Variants in RBFOX1 observed in about 807,000 individuals in gnomAD.
The protein encoded by RBFOX1 is RNA binding fox-1 homolog 1.
In RBFOX1, 8 loss-of-function variants were observed where a neutral mutation model predicts 57.7. The ratio of observed to expected loss-of-function variants is 0.14; its 90% confidence interval spans 0.08 to 0.25. RBFOX1 has a LOEUF of 0.25. RBFOX1 is among the 10% of genes least tolerant of loss of function. RBFOX1 has a pLI of 1.00. For synonymous variants in RBFOX1, 326 were observed against 222.4 expected (o/e 1.47, Z -4.15); for missense variants, 611 against 548.5 (o/e 1.11, Z -1.14).
chr16:5,397,696 G>A (rs1276866378), intron 1 of RBFOX1, among the ~76,000 whole-genome samples: 3 of 152,214 alleles, frequency 2.0e-5, no homozygotes, highest in Admixed American at 6.5e-5. Context: ...CAAATGCTAC[G>A]TGGACCTTCT....
chr16:7,490,940 C>T lies in RBFOX1; in HGVS notation c.28-27207C>T, dbSNP rs148294678. Among the ~76,000 whole-genome samples the T allele has an allele frequency of 4.0e-3, 603 of 152,246 alleles. 4 individuals carry two copies. Among genetic ancestry groups the T allele is most frequent in the African/African-American group, 0.014 (574 of 41,554 alleles). The stretch of plus-strand genomic sequence containing the variant: ...TTCTTAGACAGTTTCAATCTCTTAT[C>T]TTCTTTAGGTGGCCTAAAATCTAAC... On this transcript the variant is annotated intron_variant, in intron 4 of 15. Coordinates refer to ENST00000550418, the MANE Select transcript of RBFOX1 (RefSeq NM_018723.4).
chr16:7,005,361 C>G (rs1005743690), intron 3 of RBFOX1, among the ~76,000 whole-genome samples: 4 of 151,994 alleles, frequency 2.6e-5, no homozygotes, highest in Non-Finnish European at 4.4e-5. Flanking sequence ...ACTAAGTTGA[C>G]TTATAGAATA....
At chr16:7,686,541 G>T (rs187436406) in intron 14 of RBFOX1, among the ~76,000 whole-genome samples, 1 of 151,934 alleles carries the variant, frequency 6.6e-6, no homozygotes, top group East Asian at 1.9e-4. Context: ...GGTGGAGAGA[G>T]AAAGAGACTT....
chr16:5,772,082 G>A (rs1381774520), intron 3 of RBFOX1, among the ~76,000 whole-genome samples: 1 of 152,134 alleles, frequency 6.6e-6, no homozygotes, highest in Non-Finnish European at 1.5e-5. Context: ...TGAGTCAGGA[G>A]AATCACTTGA....
intron 4 of RBFOX1, among the ~76,000 whole-genome samples, chr16:7,487,586 C>T (rs367846913): frequency 2.0e-5 from 3 of 152,172 alleles, no homozygotes; most frequent in Non-Finnish European, 4.4e-5. Flanking sequence ...TCTCTCTTCC[C>T]ATGCATGAAG....
intron 4 of RBFOX1, among the ~76,000 whole-genome samples, chr16:7,313,899 T>G (rs936765288): frequency 6.6e-6 from 1 of 152,186 alleles, no homozygotes; most frequent in Non-Finnish European, 1.5e-5. Flanking sequence ...TCTGTATGAT[T>G]TACGGAGAGA....
chr16:6,895,163 A>G (rs932047678), intron 3 of RBFOX1, among the ~76,000 whole-genome samples: 4 of 152,088 alleles, frequency 2.6e-5, no homozygotes, highest in African/African-American at 4.8e-5. Flanking sequence ...AAGATGATCT[A>G]TATTAACAAA....
At chr16:6,489,286 T>C (rs1442465362) in intron 2 of RBFOX1, among the ~76,000 whole-genome samples, 1 of 152,204 alleles carries the variant, frequency 6.6e-6, no homozygotes. Context: ...ATGGCATTAT[T>C]TTCCTCTTAT....
intron 4 of RBFOX1, among the ~76,000 whole-genome samples, chr16:7,171,735 C>G (rs369966254): frequency 6.6e-6 from 1 of 152,210 alleles, no homozygotes; most frequent in Non-Finnish European, 1.5e-5. Context: ...AGCCTCAGAA[C>G]TGTAATAACT....
At chr16:7,120,045 T>C (rs899993012) in intron 4 of RBFOX1, among the ~76,000 whole-genome samples, 2 of 151,936 alleles carry the variant, frequency 1.3e-5, no homozygotes, top group Non-Finnish European at 2.9e-5. Flanking sequence ...TAACATAAAA[T>C]AAACTGGAAA....
At chr16:5,335,657 T>C (rs1026624782) in intron 1 of RBFOX1, among the ~76,000 whole-genome samples, 3 of 152,188 alleles carry the variant, frequency 2.0e-5, no homozygotes, top group African/African-American at 7.2e-5. Flanking sequence ...GTTGGTTTTT[T>C]GTGTGTGGAG....
At position 6,658,571 on chromosome 16, in the gene RBFOX1, C is replaced by G. The variant is rs149109646; in HGVS notation, c.-16+3921C>G. Reference sequence around the variant, plus strand: ...TCTTTATCTGCGCACAGTCTGGGCTCGATCTGAGACTCTTCATAGAATAAA... The same window carrying G: ...TCTTTATCTGCGCACAGTCTGGGCTGGATCTGAGACTCTTCATAGAATAAA... On this transcript the variant is annotated intron_variant, in intron 3 of 15. Transcript: ENST00000550418. Among the ~76,000 whole-genome samples the G allele has an allele frequency of 3.2e-4, 49 of 152,180 alleles. No individual in the cohort carries two copies. In the East Asian group the frequency reaches 7.2e-3, roughly 22 times the overall value.
intron 4 of RBFOX1, among the ~76,000 whole-genome samples, chr16:7,325,641 G>A (rs1238523240): frequency 1.3e-5 from 2 of 152,136 alleles, no homozygotes; most frequent in Non-Finnish European, 2.9e-5. Flanking sequence ...GATTTCCAAT[G>A]GGGGTGGTTG....
At chr16:7,488,785 T>G (rs2066126424) in intron 4 of RBFOX1, among the ~76,000 whole-genome samples, 1 of 152,224 alleles carries the variant, frequency 6.6e-6, no homozygotes, top group South Asian at 2.1e-4. Flanking sequence ...TACATCTATC[T>G]ATACATATCC....
At chr16:5,788,575 G>A (rs1373000088) in intron 3 of RBFOX1, among the ~76,000 whole-genome samples, 1 of 152,206 alleles carries the variant, frequency 6.6e-6, no homozygotes. Flanking sequence ...TTTGCAGTGA[G>A]CCGGGATCGT....
chr16:7,376,506 C>T (rs2097688427), intron 4 of RBFOX1, among the ~76,000 whole-genome samples: 1 of 152,106 alleles, frequency 6.6e-6, no homozygotes, highest in Non-Finnish European at 1.5e-5. Context: ...GAGTGTTTAC[C>T]ACAGCTCTGT....
chr16:5,586,256 G>A (rs1353744556), intron 2 of RBFOX1, among the ~76,000 whole-genome samples: 1 of 152,152 alleles, frequency 6.6e-6, no homozygotes, highest in Non-Finnish European at 1.5e-5. Context: ...AGAACTATGA[G>A]AGAATACATT....
At chr16:5,496,187 C>T (rs1489206407) in intron 2 of RBFOX1, among the ~76,000 whole-genome samples, 1 of 152,164 alleles carries the variant, frequency 6.6e-6, no homozygotes, top group Non-Finnish European at 1.5e-5. Flanking sequence ...CCCCGCTGAG[C>T]ACATCTCTCT....
At chr16:5,792,960 A>G (rs1440105832) in intron 3 of RBFOX1, among the ~76,000 whole-genome samples, 1 of 152,240 alleles carries the variant, frequency 6.6e-6, no homozygotes, top group Admixed American at 6.5e-5. Flanking sequence ...AGGAGGAGGA[A>G]GAGAAAGGGT....
Sources: allele counts gnomAD v4.1 joint callset (sites outside exome capture counted in the v4.1 genomes callset), GRCh38; gene constraint gnomAD v4.1.1; transcripts MANE v1.5; gene names NCBI Gene and HGNC (gene_info 2026-07-23, HGNC 2026-07-21).